Variants in NKAIN2 observed in about 807,000 individuals in gnomAD.
NKAIN2 encodes the protein sodium/potassium transporting ATPase interacting 2, also known as sodium/potassium-transporting ATPase subunit beta-1-interacting protein 2.
Under a neutral mutation model 32.6 loss-of-function variants are expected in NKAIN2, and 14 were observed. That is an observed-to-expected ratio of 0.43 (90% confidence interval 0.28 to 0.67). The LOEUF (loss-of-function observed/expected upper bound fraction) is 0.67, where lower values mean the gene tolerates loss of function less well. NKAIN2 is among the 30% of genes least tolerant of loss of function. NKAIN2 has a pLI of 0.17. For synonymous variants in NKAIN2, 80 were observed against 87.2 expected, an observed-to-expected ratio of 0.92 and a Z score of 0.46; for missense variants, 198 against 258.3, an observed-to-expected ratio of 0.77 and a Z score of 1.60.
chr6:124,497,048 G>T (rs768515882), intron 3 of NKAIN2, among the ~76,000 whole-genome samples: 1 of 152,104 alleles, frequency 6.6e-6, no homozygotes, highest in Non-Finnish European at 1.5e-5. Context: ...ACTCCGGGGT[G>T]CCCAGAGGGA....
At chr6:123,916,314 G>T (rs1368210248) in intron 1 of NKAIN2, among the ~76,000 whole-genome samples, 1 of 152,126 alleles carries the variant, frequency 6.6e-6, no homozygotes, top group South Asian at 2.1e-4. Flanking sequence ...GTGCAGTGGT[G>T]CAATCTCGGC....
At chr6:123,922,564 T>C (rs988839312) in intron 1 of NKAIN2, among the ~76,000 whole-genome samples, 3 of 152,158 alleles carry the variant, frequency 2.0e-5, no homozygotes, top group Non-Finnish European at 4.4e-5. Context: ...TCCCTGTATA[T>C]AGATTTTGGT....
intron 1 of NKAIN2, among the ~76,000 whole-genome samples, chr6:123,865,555 G>C (rs964674606): frequency 1.3e-5 from 2 of 151,582 alleles, no homozygotes; most frequent in Non-Finnish European, 2.9e-5. Context: ...ACTTATTTTT[G>C]TTATATGTTT....
chr6:124,467,174 G>A (rs1776793879), intron 3 of NKAIN2, among the ~76,000 whole-genome samples: 1 of 151,936 alleles, frequency 6.6e-6, no homozygotes, highest in South Asian at 2.1e-4. Context: ...AGACCACTAT[G>A]GAAAGTTTAT....
intron 3 of NKAIN2, among the ~76,000 whole-genome samples, chr6:124,572,216 C>T (rs543806022): frequency 1.3e-5 from 2 of 152,278 alleles, no homozygotes; most frequent in Admixed American, 6.5e-5. Context: ...GATGCTCACT[C>T]ACATTGGGGA....
chr6:124,788,586 A>G (rs1779606056), intron 4 of NKAIN2, among the ~76,000 whole-genome samples: 2 of 152,108 alleles, frequency 1.3e-5, no homozygotes, highest in South Asian at 4.1e-4. Context: ...GAGAAGAATG[A>G]GAACAAAGGA....
intron 3 of NKAIN2, chr6:124,390,847 G>A (rs992610570): frequency 1.3e-5 from 2 of 152,004 alleles, no homozygotes; most frequent in Non-Finnish European, 2.9e-5. Flanking sequence ...GACAAGGCTG[G>A]CCCTGCATCT....
chr6:124,677,925 TC>T (rs1773439227), intron 4 of NKAIN2, among the ~76,000 whole-genome samples: 1 of 152,134 alleles, frequency 6.6e-6, no homozygotes, highest in Non-Finnish European at 1.5e-5. Context: ...CTTCAGTTTT[TC>T]TTTATCCAGG....
At chr6:123,823,773 G>C (rs1333672145) in intron 1 of NKAIN2, among the ~76,000 whole-genome samples, 1 of 152,046 alleles carries the variant, frequency 6.6e-6, no homozygotes, top group Non-Finnish European at 1.5e-5. Flanking sequence ...CTCAAGAAGA[G>C]GAAGGAGCAA....
intron 4 of NKAIN2, among the ~76,000 whole-genome samples, chr6:124,709,845 A>G (rs1229937783): frequency 1.3e-5 from 2 of 150,604 alleles, no homozygotes; most frequent in Non-Finnish European, 1.5e-5. Flanking sequence ...TTCTGCTCTG[A>G]TTTTAGTTAT....
chr6:124,765,253 TAG>T (rs1778460613), intron 4 of NKAIN2, among the ~76,000 whole-genome samples: 1 of 152,332 alleles, frequency 6.6e-6, no homozygotes, highest in Non-Finnish European at 1.5e-5. Context: ...TCTGTAAGAA[TAG>T]AGTCTCAATG....
intron 1 of NKAIN2, among the ~76,000 whole-genome samples, chr6:124,189,201 A>G (rs972860251): frequency 1.3e-5 from 2 of 152,226 alleles, no homozygotes; most frequent in African/African-American, 2.4e-5. Context: ...TCAGATAAAT[A>G]TAATAAACCA....
intron 1 of NKAIN2, among the ~76,000 whole-genome samples, chr6:123,830,094 C>A (rs892949773): frequency 6.6e-6 from 1 of 152,068 alleles, no homozygotes; most frequent in Non-Finnish European, 1.5e-5. Flanking sequence ...TCTCTCGCCC[C>A]GTGTGCTGTC....
chr6:123,924,691 G>A (rs7744763), intron 1 of NKAIN2, among the ~76,000 whole-genome samples: 40,567 of 151,914 alleles, frequency 0.27, 6,773 homozygotes, highest in East Asian at 0.52. Context: ...TCTATGTAAC[G>A]AGTGGACTGG....
In NKAIN2 at chr6:124,817,233, ATTTTTTGGCATTTTT is replaced by A. The variant is rs982756500; in HGVS notation, c.536-1144_536-1130del. Among the ~76,000 whole-genome samples, 7 of 151,188 alleles carry A rather than the reference ATTTTTTGGCATTTTT, an allele frequency of 4.6e-5. No homozygotes were observed. In the East Asian group the frequency reaches 5.8e-4, roughly 13 times the overall value. On this transcript the variant is annotated intron_variant, in intron 5 of 6. Transcript: ENST00000368417. ...GTAAATTTTCTTAAAACATTATGAG[ATTTTTTGGCATTTTT>A]TTTTTTGGCTCACCAGCTATCGTTA...
At chr6:124,803,726 A>C (rs948164302) in intron 5 of NKAIN2, among the ~76,000 whole-genome samples, 3 of 152,018 alleles carry the variant, frequency 2.0e-5, no homozygotes, top group Admixed American at 2.0e-4. Context: ...CTCTATATAA[A>C]ATTTTAGTAA....
intron 3 of NKAIN2, among the ~76,000 whole-genome samples, chr6:124,545,709 C>T (rs990230514): frequency 3.3e-5 from 5 of 151,660 alleles, no homozygotes; most frequent in African/African-American, 1.2e-4. Flanking sequence ...TGTGTGCACC[C>T]ATGAAATGCT....
intron 3 of NKAIN2, among the ~76,000 whole-genome samples, chr6:124,476,990 G>T (rs1054212309): frequency 1.3e-5 from 2 of 152,160 alleles, no homozygotes; most frequent in Non-Finnish European, 1.5e-5. Context: ...TACTGAAAGT[G>T]CTTACAAGTA....
chr6:124,526,513 CAGAT>C (rs1275118904), intron 3 of NKAIN2, among the ~76,000 whole-genome samples: 1 of 151,870 alleles, frequency 6.6e-6, no homozygotes, highest in Non-Finnish European at 1.5e-5. Context: ...CCCCCACCCT[CAGAT>C]AGAAAGATAT....
Sources: gnomAD v4.1 joint callset for allele counts (sites outside exome capture counted in the v4.1 genomes callset) on GRCh38, gnomAD v4.1.1 for gene constraint, MANE v1.5 for transcripts, NCBI Gene and HGNC (gene_info 2026-07-23, HGNC 2026-07-21) for gene names.